Variants in MMP26 observed in about 807,000 individuals in gnomAD.
MMP26 encodes the protein matrix metalloproteinase-26.
A neutral mutation model predicts 31.0 loss-of-function variants in MMP26; 33 were observed. The observed-to-expected ratio is 1.06, with a 90% CI of 0.81 to 1.42. The LOEUF (loss-of-function observed/expected upper bound fraction) is 1.42. Among genes scored for constraint, MMP26 ranks in the 40% most tolerant of loss-of-function variants. MMP26 has a pLI of 0.00. For missense variants in MMP26, 347 were observed against 316.1 expected (o/e 1.10, Z -0.74); for synonymous variants, 122 against 114.9 (o/e 1.06, Z -0.40).
At chr11:4,862,613 A>G (rs897050605) in intron 2 of MMP26, among the ~76,000 whole-genome samples, 5 of 152,154 alleles carry the variant, frequency 3.3e-5, no homozygotes, top group African/African-American at 9.7e-5. Flanking sequence ...AAAGAGAAAA[A>G]CATCTCAAGA....
At chr11:4,828,588 G>C (rs1849608013) in intron 2 of MMP26, among the ~76,000 whole-genome samples, 1 of 152,082 alleles carries the variant, frequency 6.6e-6, no homozygotes, top group African/African-American at 2.4e-5. Flanking sequence ...TTTATTATCA[G>C]AAAAGGTATT....
intron 6 of MMP26, among the ~76,000 whole-genome samples, 192 bp downstream of exon 6, chr11:4,991,688 C>T (rs552414733): frequency 3.0e-4 from 46 of 152,216 alleles, no homozygotes; most frequent in African/African-American, 1.1e-3. Context: ...AACACATTGT[C>T]AGATTGTGTT....
At chr11:4,859,701 A>T in intron 2 of MMP26, 1 of 470,002 alleles carries the variant, frequency 2.1e-6, no homozygotes, top group Non-Finnish European at 4.4e-6. Flanking sequence ...GGTTTAGCAC[A>T]GGCGGGAGCA....
chr11:4,916,983 G>A (rs909104064), intron 2 of MMP26, among the ~76,000 whole-genome samples: 1 of 152,136 alleles, frequency 6.6e-6, no homozygotes, highest in Non-Finnish European at 1.5e-5. Context: ...TTGTCACTGG[G>A]AAGAGGTCAT....
intron 2 of MMP26, chr11:4,945,446 C>T (rs1433168026): frequency 2.0e-5 from 3 of 152,512 alleles, no homozygotes; most frequent in African/African-American, 7.2e-5. Context: ...AGAATATGTT[C>T]CTTATTGATT....
intron 2 of MMP26, among the ~76,000 whole-genome samples, chr11:4,940,133 A>C (rs144607180): frequency 6.6e-5 from 10 of 152,110 alleles, no homozygotes; most frequent in Non-Finnish European, 1.3e-4. Flanking sequence ...TTAATGATCT[A>C]TATAGGTTTT....
Position 4,955,694 on chromosome 11 carries a change from G to A in MMP26, c.-144-32374G>A. The A allele has an allele frequency of 4.6e-6, 7 of 1,538,358 alleles. No homozygotes were observed. Among genetic ancestry groups the A allele is most frequent in the African/African-American group, 1.4e-5 (1 of 73,548 alleles). Reference sequence around the variant, plus strand: ...GAAGAAGGTGGTGATTTCAACATATGATGTGTTGATAATGGACATGATTCA... The same window carrying A: ...GAAGAAGGTGGTGATTTCAACATATAATGTGTTGATAATGGACATGATTCA... On this transcript the variant is annotated intron_variant, in intron 2 of 7. Coordinates refer to ENST00000380390, the MANE Select transcript of MMP26 (RefSeq NM_021801.5).
intron 2 of MMP26, among the ~76,000 whole-genome samples, chr11:4,786,201 T>C (rs2133438031): frequency 6.6e-6 from 1 of 152,238 alleles, no homozygotes; most frequent in East Asian, 1.9e-4. Flanking sequence ...AGAGGAGAGC[T>C]GAGACTCAGG....
chr11:4,990,763 G>GGAA lies in MMP26; in HGVS notation c.469+22_469+24dup. 6.2e-7 allele frequency: 1 copy of GGAA among 1,613,692 alleles called. No individual in the cohort carries two copies. Among genetic ancestry groups the GGAA allele is most frequent in the South Asian group, 1.1e-5 (1 of 91,036 alleles). ...GGCAGTGGGGTAAGAAATTGACATGGGAAGAAGGATATGTATATGCCCTGT... is the reference window on the plus strand; with the variant it reads ...GGCAGTGGGGTAAGAAATTGACATGGGAAGAAGAAGGATATGTATATGCCCTGT... On this transcript the variant is annotated intron_variant, in intron 5 of 7. Transcript: ENST00000380390.
intron 3 of MMP26, among the ~76,000 whole-genome samples, chr11:4,988,582 G>T (rs1392257762): frequency 6.6e-6 from 1 of 151,886 alleles, no homozygotes; most frequent in African/African-American, 2.4e-5. Context: ...CACTTTCTTA[G>T]TCTTCTATAT....
chr11:4,938,049 G>A (rs1171713750), intron 2 of MMP26: 2 of 152,186 alleles, frequency 1.3e-5, no homozygotes, highest in Non-Finnish European at 2.9e-5. Context: ...GTCCCAAAGT[G>A]ATGGGTAAGG....
intron 1 of MMP26, among the ~76,000 whole-genome samples, chr11:4,717,495 A>G (rs1482611755): frequency 6.6e-6 from 1 of 152,046 alleles, no homozygotes; most frequent in East Asian, 1.9e-4. Flanking sequence ...AGTGGATATT[A>G]CCTAAATTAG....
intron 2 of MMP26, among the ~76,000 whole-genome samples, chr11:4,781,697 T>A (rs1465290593): frequency 2.0e-5 from 3 of 151,384 alleles, no homozygotes; most frequent in African/African-American, 7.3e-5. Context: ...ACCACCCTGA[T>A]GTGGTTTGTC....
chr11:4,754,851 C>T (rs1014484241), intron 1 of MMP26, among the ~76,000 whole-genome samples: 12 of 151,910 alleles, frequency 7.9e-5, no homozygotes, highest in Non-Finnish European at 1.6e-4. Flanking sequence ...TTCGTTGATT[C>T]TTCCACCTTA....
chr11:4,982,868 C>T (rs1846834972), intron 2 of MMP26, among the ~76,000 whole-genome samples: 2 of 152,148 alleles, frequency 1.3e-5, no homozygotes, highest in East Asian at 1.9e-4. Context: ...GTTCCTACAA[C>T]ATTGTTGAAA....
intron 2 of MMP26, among the ~76,000 whole-genome samples, chr11:4,851,429 T>G (rs2133500458): frequency 6.6e-6 from 1 of 152,204 alleles, no homozygotes. Context: ...AACACAGAGT[T>G]CTGGCTGAAA....
chr11:4,778,785 G>A (rs1848821955), intron 2 of MMP26, among the ~76,000 whole-genome samples: 1 of 151,930 alleles, frequency 6.6e-6, no homozygotes. Context: ...ATGATTAATA[G>A]TTTTTTCTAT....
intron 2 of MMP26, among the ~76,000 whole-genome samples, chr11:4,956,278 C>G (rs1846441722): frequency 6.6e-6 from 1 of 152,156 alleles, no homozygotes; most frequent in East Asian, 1.9e-4. Flanking sequence ...CAAAAGACTG[C>G]TCTTATTCAC....
chr11:4,928,860 A>C (rs951507642), intron 2 of MMP26, among the ~76,000 whole-genome samples: 2 of 152,126 alleles, frequency 1.3e-5, no homozygotes, highest in African/African-American at 4.8e-5. Context: ...GACCATTTGC[A>C]GTGGAATATT....
Sources: gnomAD v4.1 joint callset for allele counts (sites outside exome capture counted in the v4.1 genomes callset) on GRCh38, gnomAD v4.1.1 for gene constraint, MANE v1.5 for transcripts, NCBI Gene and HGNC (gene_info 2026-07-23, HGNC 2026-07-21) for gene names.